The following CCDC178 variants were observed in gnomAD, a reference collection of about 807,000 sequenced individuals.
CCDC178 encodes the protein coiled-coil domain containing 178, also known as coiled-coil domain-containing protein 178.
A neutral mutation model predicts 117.4 loss-of-function variants in CCDC178; 126 were observed. That is an observed-to-expected ratio of 1.07 (90% CI 0.93 to 1.24). CCDC178 has a LOEUF of 1.24. Ranked by LOEUF, CCDC178 falls within the 50% of genes most tolerant of loss-of-function variation. CCDC178 has a pLI of 0.00. For missense variants in CCDC178, 1,030 were observed against 986.9 expected (o/e 1.04, Z -0.59); for synonymous variants, 283 against 313.4 (o/e 0.90, Z 1.02).
intron 11 of CCDC178, among the ~76,000 whole-genome samples, chr18:33,315,137 A>G (rs2144970111): frequency 6.6e-6 from 1 of 152,246 alleles, no homozygotes; most frequent in South Asian, 2.1e-4. Context: ...CAACCTCACA[A>G]CAGGTATAGA....
chr18:33,415,835 C>T (rs1275722548), intron 2 of CCDC178, among the ~76,000 whole-genome samples: 1 of 152,072 alleles, frequency 6.6e-6, no homozygotes, highest in Non-Finnish European at 1.5e-5. Context: ...ACTCTGGGTG[C>T]ATTATATGTA....
intron 7 of CCDC178, 96 bp downstream of exon 7, chr18:33,356,228 T>A: frequency 8.0e-7 from 1 of 1,243,122 alleles, no homozygotes; most frequent in South Asian, 1.5e-5. Flanking sequence ...TGCATTCGAT[T>A]TTCTATTCCT....
chr18:33,006,643 T>C (rs1390726355), intron 21 of CCDC178, among the ~76,000 whole-genome samples: 1 of 152,096 alleles, frequency 6.6e-6, no homozygotes, highest in Non-Finnish European at 1.5e-5. Context: ...GGCTTGCTTC[T>C]AGCCAATAGA....
At chr18:33,139,963 G>A (rs992860008) in intron 20 of CCDC178, among the ~76,000 whole-genome samples, 5 of 152,120 alleles carry the variant, frequency 3.3e-5, no homozygotes, top group African/African-American at 1.2e-4. Context: ...ACAGTCTAGG[G>A]TCTTGGTGCT....
chr18:33,225,990 T>C (rs1344651108), intron 16 of CCDC178, among the ~76,000 whole-genome samples: 1 of 151,894 alleles, frequency 6.6e-6, no homozygotes, highest in African/African-American at 2.4e-5. Context: ...GGAGAAACCC[T>C]GTCTCTACTA....
intron 21 of CCDC178, among the ~76,000 whole-genome samples, chr18:33,025,990 G>C (rs2056221333): frequency 6.6e-6 from 1 of 151,934 alleles, no homozygotes; most frequent in South Asian, 2.1e-4. Context: ...CAAGTGAATG[G>C]TTAAACAAAC....
chr18:33,436,931 G>T (rs1169465070), intron 2 of CCDC178, among the ~76,000 whole-genome samples: 1 of 152,200 alleles, frequency 6.6e-6, no homozygotes, highest in Admixed American at 6.5e-5. Flanking sequence ...GGAGAACAAA[G>T]AAACCTGTGC....
chr18:33,269,752 A>G (rs1200601055), intron 12 of CCDC178, among the ~76,000 whole-genome samples: 1 of 151,866 alleles, frequency 6.6e-6, no homozygotes, highest in Non-Finnish European at 1.5e-5. Flanking sequence ...AAACAGCAAC[A>G]GGAACAAATC....
intron 21 of CCDC178, among the ~76,000 whole-genome samples, chr18:33,050,555 A>G (rs1278171757): frequency 2.0e-5 from 3 of 152,184 alleles, no homozygotes; most frequent in African/African-American, 7.2e-5. Context: ...AGCAACAAAA[A>G]CAAACAAACA....
At chr18:33,354,860 T>G (rs1052327611) in intron 7 of CCDC178, among the ~76,000 whole-genome samples, 2 of 152,170 alleles carry the variant, frequency 1.3e-5, no homozygotes, top group African/African-American at 4.8e-5. Context: ...TCCACCCGCC[T>G]TGGCCTCCCA....
chr18:33,203,306 A>G (rs2059013817), intron 20 of CCDC178, among the ~76,000 whole-genome samples: 1 of 152,096 alleles, frequency 6.6e-6, no homozygotes, highest in African/African-American at 2.4e-5. Context: ...TCTTTTTCCA[A>G]TGAGTCATCT....
At chr18:33,174,775 C>T (rs920724403) in intron 20 of CCDC178, among the ~76,000 whole-genome samples, 1 of 151,952 alleles carries the variant, frequency 6.6e-6, no homozygotes, top group African/African-American at 2.4e-5. Flanking sequence ...TTATTATATC[C>T]CAAACTACAG....
chr18:33,215,597 T>C lies in CCDC178; in HGVS notation c.2031A>G (p.Ala677=). The C allele has an allele frequency of 1.3e-6, 2 of 1,505,626 alleles. No individual in the cohort carries two copies. Among genetic ancestry groups the C allele is most frequent in the Non-Finnish European group, 1.8e-6 (2 of 1,123,808 alleles). The allele number at this position is 1,505,626 out of a possible 1,614,324, so 93.3% of individuals were successfully genotyped here. A position where few individuals can be genotyped will look rare whatever the true frequency, so the allele number is the denominator to read the frequency against. Residue 677 remains alanine, a synonymous_variant, in exon 19 of 23, where the codon GCA becomes GCG. Coordinates refer to ENST00000383096, the MANE Select transcript of CCDC178 (RefSeq NM_001105528.4). ...KINELNEELK[A]KEEEKKSFDQ... ...CAAAACTTTTCTTTTCTTCTTCTTT[T>C]GCTTTTAATTCCTCATTCAATTCAT...
At position 33,215,534 on chromosome 18, in the gene CCDC178, A is replaced by C; in HGVS notation, c.2078+16T>G. 8.2e-7 allele frequency: 1 copy of C among 1,213,432 alleles called. No individual in the cohort carries two copies. Among genetic ancestry groups the C allele is most frequent in the South Asian group, 1.8e-5 (1 of 56,910 alleles). The allele number at this position is 1,213,432 out of a possible 1,614,324, so 75.2% of individuals were successfully genotyped here. A position where few individuals can be genotyped will look rare whatever the true frequency, so the allele number is the denominator to read the frequency against. ...TTTTTAAAAACTTCATATTTTGATAAAGTTTAAGTACTTACTTTAATATTT... is the reference window on the plus strand; with the variant it reads ...TTTTTAAAAACTTCATATTTTGATACAGTTTAAGTACTTACTTTAATATTT... On this transcript the variant is annotated intron_variant, in intron 19 of 22. Coordinates refer to ENST00000383096, the MANE Select transcript of CCDC178 (RefSeq NM_001105528.4).
chr18:33,113,896 C>A (rs2057817041), intron 20 of CCDC178, among the ~76,000 whole-genome samples: 1 of 151,944 alleles, frequency 6.6e-6, no homozygotes, highest in Non-Finnish European at 1.5e-5. Flanking sequence ...AGGCTAGTGA[C>A]CAAAGGTCAT....
At chr18:33,154,590 G>T (rs1421279979) in intron 20 of CCDC178, among the ~76,000 whole-genome samples, 1 of 152,050 alleles carries the variant, frequency 6.6e-6, no homozygotes, top group Non-Finnish European at 1.5e-5. Context: ...TAATGCAAAT[G>T]AAGTAAATAC....
chr18:33,259,653 C>T (rs9959364), intron 14 of CCDC178, among the ~76,000 whole-genome samples: 10,218 of 152,036 alleles, frequency 0.067, 504 homozygotes, highest in African/African-American at 0.14. Flanking sequence ...TTCAATCACC[C>T]CCCCCCACCA....
intron 20 of CCDC178, among the ~76,000 whole-genome samples, chr18:33,101,275 A>G (rs1007271296): frequency 2.0e-5 from 3 of 151,504 alleles, no homozygotes; most frequent in Admixed American, 2.0e-4. Flanking sequence ...TTAAGAATAT[A>G]TATTCTAAAA....
chr18:32,987,135 T>C (rs996868524), intron 21 of CCDC178, among the ~76,000 whole-genome samples: 9 of 151,446 alleles, frequency 5.9e-5, no homozygotes, highest in Admixed American at 3.3e-4. Flanking sequence ...AAAGAGATAC[T>C]AGAAAGAGGT....
Sources: gnomAD v4.1 joint callset for allele counts (sites outside exome capture counted in the v4.1 genomes callset) on GRCh38, gnomAD v4.1.1 for gene constraint, MANE v1.5 for transcripts, NCBI Gene and HGNC (gene_info 2026-07-23, HGNC 2026-07-21) for gene names.